Variants in AK4 observed in about 807,000 individuals in gnomAD.
The protein encoded by AK4 is adenylate kinase 4, mitochondrial.
In AK4, 13 loss-of-function variants were observed where a neutral mutation model predicts 24.6. The observed-to-expected ratio is 0.53, with a 90% CI of 0.34 to 0.84. The LOEUF is 0.84. AK4 is among the 40% of genes least tolerant of loss of function. AK4 has a pLI of 0.01. For synonymous variants in AK4, 88 were observed against 107.0 expected (o/e 0.82, Z 1.10); for missense variants, 192 against 288.2 (o/e 0.67, Z 2.42).
chr1:65,181,180 T>C (rs1165630016), intron 1 of AK4, among the ~76,000 whole-genome samples: 1 of 149,838 alleles, frequency 6.7e-6, no homozygotes, highest in Non-Finnish European at 1.5e-5. Flanking sequence ...ACAATAACAA[T>C]TTTGTATCTC....
At chr1:65,161,141 T>G (rs1650146477) in intron 1 of AK4, among the ~76,000 whole-genome samples, 2 of 152,060 alleles carry the variant, frequency 1.3e-5, no homozygotes, top group African/African-American at 4.8e-5. Context: ...GACTTCCTCC[T>G]CCCATGATCA....
intron 2 of AK4, among the ~76,000 whole-genome samples, chr1:65,217,980 ATAAT>A (rs1207393335): frequency 6.6e-6 from 1 of 152,218 alleles, no homozygotes; most frequent in Non-Finnish European, 1.5e-5. Flanking sequence ...GTTAGGTTTA[ATAAT>A]TAACATATCC....
chr1:65,209,201 C>T (rs1470291336), intron 2 of AK4, among the ~76,000 whole-genome samples: 2 of 152,170 alleles, frequency 1.3e-5, no homozygotes, highest in Admixed American at 1.3e-4. Context: ...TGCGGTGGAA[C>T]AGACCCTCTG....
At chr1:65,213,138 G>A (rs1434880269) in intron 2 of AK4, among the ~76,000 whole-genome samples, 1 of 152,130 alleles carries the variant, frequency 6.6e-6, no homozygotes, top group African/African-American at 2.4e-5. Context: ...ACGTGCACTA[G>A]TTCCTTGGAA....
At chr1:65,185,596 G>A in intron 1 of AK4, among the ~76,000 whole-genome samples, 1 of 150,566 alleles carries the variant, frequency 6.6e-6, no homozygotes, top group East Asian at 1.9e-4. Context: ...AAGAAATAAG[G>A]TTGGGCTGTG....
chr1:65,185,624 CT>C (rs35079324), intron 1 of AK4, among the ~76,000 whole-genome samples: 242 of 136,158 alleles, frequency 1.8e-3, no homozygotes, highest in Admixed American at 3.3e-3. Context: ...ATATGACCAT[CT>C]TTTTTTTTTT....
intron 2 of AK4, among the ~76,000 whole-genome samples, chr1:65,203,165 G>A (rs1246802118): frequency 6.6e-6 from 1 of 152,050 alleles, no homozygotes; most frequent in Non-Finnish European, 1.5e-5. Context: ...GAGCCACTGT[G>A]CCGAGTTGTA....
At chr1:65,198,894 C>G (rs974442480) in intron 2 of AK4, among the ~76,000 whole-genome samples, 1 of 150,222 alleles carries the variant, frequency 6.7e-6, no homozygotes, top group African/African-American at 2.4e-5. Context: ...CTGGGCAACA[C>G]GATGAAAGCC....
intron 1 of AK4, among the ~76,000 whole-genome samples, chr1:65,151,353 A>G (rs1649765348): frequency 6.6e-6 from 1 of 152,114 alleles, no homozygotes; most frequent in African/African-American, 2.4e-5. Context: ...ACCCAGTAAG[A>G]TATCTGCTGA....
intron 1 of AK4, among the ~76,000 whole-genome samples, chr1:65,177,588 T>C (rs1650760127): frequency 6.6e-6 from 1 of 152,234 alleles, no homozygotes; most frequent in Non-Finnish European, 1.5e-5. Context: ...TTCCTGCTGC[T>C]TCTGTCAGAG....
chr1:65,178,570 C>T (rs903670569), intron 1 of AK4, among the ~76,000 whole-genome samples: 1 of 152,202 alleles, frequency 6.6e-6, no homozygotes, highest in African/African-American at 2.4e-5. Context: ...GGGGGATTAA[C>T]TCTCAAGGTA....
At chr1:65,189,267 T>A (rs1162201928) in intron 1 of AK4, among the ~76,000 whole-genome samples, 1 of 151,034 alleles carries the variant, frequency 6.6e-6, no homozygotes, top group Non-Finnish European at 1.5e-5. Context: ...AATTGGTCTG[T>A]TGAGAATGTG....
At position 65,210,237 on chromosome 1, in the gene AK4, C is replaced by G. The variant is rs373551588; in HGVS notation, c.266-8517C>G. ...ACAGCACCCCAAACTTTGGAGGCAG[C>G]CTTAGCCTATCCCCAGGGCCTCTGT... On this transcript the variant is annotated intron_variant, in intron 2 of 4. Coordinates refer to ENST00000327299, the MANE Select transcript of AK4 (RefSeq NM_013410.4). 4.6e-5 allele frequency among the ~76,000 whole-genome samples: 7 copies of G among 152,250 alleles called. No homozygotes were observed. In the South Asian group the frequency reaches 1.0e-3, roughly 23 times the overall value.
chr1:65,170,621 C>T (rs1650484952), intron 1 of AK4, among the ~76,000 whole-genome samples: 1 of 152,168 alleles, frequency 6.6e-6, no homozygotes, highest in Non-Finnish European at 1.5e-5. Context: ...TGGCTGAGCT[C>T]TAGCTGGAAC....
chr1:65,192,652 T>C (rs1338781796), intron 2 of AK4, among the ~76,000 whole-genome samples: 1 of 152,216 alleles, frequency 6.6e-6, no homozygotes, highest in Non-Finnish European at 1.5e-5. Flanking sequence ...ACTTATAAAG[T>C]ACAATTCATC....
intron 1 of AK4, among the ~76,000 whole-genome samples, chr1:65,171,274 A>G (rs376353734): frequency 2.5e-4 from 31 of 125,404 alleles, no homozygotes; most frequent in African/African-American, 8.8e-4. Flanking sequence ...TTTTGGATAT[A>G]GACTTATTCT....
At chr1:65,159,586 G>A (rs1277713523) in intron 1 of AK4, among the ~76,000 whole-genome samples, 3 of 152,112 alleles carry the variant, frequency 2.0e-5, no homozygotes, top group African/African-American at 7.2e-5. Context: ...GAGTCCAGGA[G>A]GCTACAGTGA....
chr1:65,156,125 A>G (rs1248307626), intron 1 of AK4, among the ~76,000 whole-genome samples: 1 of 152,188 alleles, frequency 6.6e-6, no homozygotes, highest in Admixed American at 6.5e-5. Flanking sequence ...CCAATATTCA[A>G]ATATAATTTG....
intron 1 of AK4, among the ~76,000 whole-genome samples, chr1:65,185,389 C>G (rs552103654): frequency 6.6e-5 from 10 of 152,264 alleles, no homozygotes; most frequent in Middle Eastern, 3.4e-3. Context: ...TAAAATTCCT[C>G]AAAGTTCACG....
Sources: allele counts gnomAD v4.1 joint callset (sites outside exome capture counted in the v4.1 genomes callset), GRCh38; gene constraint gnomAD v4.1.1; transcripts MANE v1.5; gene names NCBI Gene and HGNC (gene_info 2026-07-23, HGNC 2026-07-21).